The following ANO10 variants were observed in gnomAD, a reference collection of about 807,000 sequenced individuals.
The protein encoded by ANO10 is anoctamin 10, also known as anoctamin-10.
ANO10 carries 77 observed loss-of-function variants against 74.7 expected under a neutral mutation model. The ratio of observed to expected loss-of-function variants is 1.03; its 90% CI spans 0.86 to 1.25. The LOEUF (loss-of-function observed/expected upper bound fraction) is 1.25, where lower values mean the gene tolerates loss of function less well. ANO10 is among the 50% of genes most tolerant of loss of function. ANO10 has a pLI of 0.00. For missense variants in ANO10, 721 were observed against 778.1 expected, an observed-to-expected ratio of 0.93 and a Z score of 0.87; for synonymous variants, 279 against 284.9, an observed-to-expected ratio of 0.98 and a Z score of 0.21.
intron 11 of ANO10, among the ~76,000 whole-genome samples, chr3:43,530,246 A>G (rs1347806958): frequency 6.6e-6 from 1 of 152,100 alleles, no homozygotes; most frequent in Non-Finnish European, 1.5e-5. Flanking sequence ...AACTACATTT[A>G]TAAATCACAA....
chr3:43,372,791 C>T, intron 12 of ANO10: 1 of 1,517,394 alleles, frequency 6.6e-7, no homozygotes. Flanking sequence ...CAGTGCCTGG[C>T]ACTGAGTTGG....
chr3:43,549,895 A>G lies in ANO10; in HGVS notation c.1669-47T>C, dbSNP rs1036183080. Reference sequence around the variant, plus strand: ...ATTAAAAATTGCAATGACTGCTTCCATATTTCCTCATCCTTTTTCATGTTA... The same window carrying G: ...ATTAAAAATTGCAATGACTGCTTCCGTATTTCCTCATCCTTTTTCATGTTA... On this transcript the variant is annotated intron_variant, in intron 10 of 12. Transcript: ENST00000292246. The G allele has an allele frequency of 1.1e-5, 17 of 1,600,422 alleles. 1 individual carries two copies. Among genetic ancestry groups the G allele is most frequent in the Non-Finnish European group, 1.4e-5 (16 of 1,168,262 alleles).
intron 11 of ANO10, among the ~76,000 whole-genome samples, chr3:43,442,914 A>AGG (rs2093182027): frequency 1.3e-5 from 2 of 152,252 alleles, no homozygotes; most frequent in South Asian, 4.1e-4. Context: ...CTATTTAATC[A>AGG]GTTAATTAAC....
At chr3:43,590,246 T>TATTC (rs2081667073) in intron 4 of ANO10, among the ~76,000 whole-genome samples, 2 of 152,144 alleles carry the variant, frequency 1.3e-5, no homozygotes, top group Non-Finnish European at 2.9e-5. Flanking sequence ...CAGTTCACAG[T>TATTC]AGGCTAGAAT....
chr3:43,594,405 A>T (rs1229946362), intron 4 of ANO10, among the ~76,000 whole-genome samples: 1 of 152,226 alleles, frequency 6.6e-6, no homozygotes, highest in Non-Finnish European at 1.5e-5. Flanking sequence ...AATTATAAAA[A>T]ACTGTCTCTC....
chr3:43,597,378 A>G (rs1320315202), intron 4 of ANO10, among the ~76,000 whole-genome samples: 2 of 152,246 alleles, frequency 1.3e-5, no homozygotes, highest in Non-Finnish European at 2.9e-5. Flanking sequence ...TCTATCAGTG[A>G]TAGACTGGAT....
upstream of ANO10, among the ~76,000 whole-genome samples, chr3:43,625,795 T>C (rs1182130891): frequency 2.0e-5 from 3 of 152,224 alleles, no homozygotes; most frequent in African/African-American, 2.4e-5. Context: ...ATTTATCTTA[T>C]GCTACTTTGT....
chr3:43,480,943 C>T (rs2076243319), intron 11 of ANO10, among the ~76,000 whole-genome samples: 1 of 98,996 alleles, frequency 1.0e-5, no homozygotes, highest in South Asian at 3.5e-4. Flanking sequence ...ATACAATGTG[C>T]ATAATAATAC....
At chr3:43,381,610 C>A (rs192460639) in intron 12 of ANO10, among the ~76,000 whole-genome samples, 13 of 152,094 alleles carry the variant, frequency 8.5e-5, no homozygotes, top group Non-Finnish European at 2.9e-5. Context: ...GACAGCAACA[C>A]GATAATAGTG....
intron 11 of ANO10, among the ~76,000 whole-genome samples, chr3:43,504,199 C>T (rs373840293): frequency 3.9e-5 from 6 of 151,950 alleles, no homozygotes; most frequent in East Asian, 1.9e-4. Flanking sequence ...ACCCAGGAAG[C>T]GGAGGTTGCA....
chr3:43,382,316 G>A (rs1226446761), intron 12 of ANO10, among the ~76,000 whole-genome samples: 1 of 151,904 alleles, frequency 6.6e-6, no homozygotes, highest in Non-Finnish European at 1.5e-5. Context: ...TCAGGAGATC[G>A]AGACCACCCT....
At chr3:43,383,724 C>T (rs942167066) in intron 12 of ANO10, among the ~76,000 whole-genome samples, 10 of 152,110 alleles carry the variant, frequency 6.6e-5, no homozygotes, top group Admixed American at 4.6e-4. Context: ...CAAAATCCAG[C>T]GTCACTTTAT....
intron 11 of ANO10, among the ~76,000 whole-genome samples, chr3:43,435,163 C>T (rs905374863): frequency 6.6e-6 from 1 of 152,204 alleles, no homozygotes; most frequent in Non-Finnish European, 1.5e-5. Flanking sequence ...GCCAGACAAT[C>T]TGCAGTTCAG....
At chr3:43,648,753 T>C (rs974319936) in intron 1 of ANO10, among the ~76,000 whole-genome samples, 5 of 149,790 alleles carry the variant, frequency 3.3e-5, no homozygotes, top group African/African-American at 9.9e-5. Context: ...CTTGCCTCAC[T>C]GCAAGCTCCG....
intron 1 of ANO10, among the ~76,000 whole-genome samples, chr3:43,615,469 TTTTTA>T (rs1444511513): frequency 6.6e-6 from 1 of 152,124 alleles, no homozygotes; most frequent in African/African-American, 2.4e-5. Flanking sequence ...TTTGGGATAA[TTTTTA>T]TTTTATTATT....
intron 9 of ANO10, among the ~76,000 whole-genome samples, chr3:43,558,766 T>G (rs2079884577): frequency 6.6e-6 from 1 of 152,138 alleles, no homozygotes; most frequent in South Asian, 2.1e-4. Context: ...AGAATAAATG[T>G]GATCCAAAAG....
At chr3:43,632,322 C>T (rs1354039490) in intron 1 of ANO10, among the ~76,000 whole-genome samples, 1 of 152,158 alleles carries the variant, frequency 6.6e-6, no homozygotes, top group Non-Finnish European at 1.5e-5. Flanking sequence ...GGAGCACTGG[C>T]AGGAGACTAG....
chr3:43,544,343 G>C (rs987002031), intron 11 of ANO10, among the ~76,000 whole-genome samples: 1 of 151,964 alleles, frequency 6.6e-6, no homozygotes, highest in Non-Finnish European at 1.5e-5. Flanking sequence ...TTTTGCAAAT[G>C]AAAGTAGTGT....
At chr3:43,438,036 A>C (rs1281485632) in intron 11 of ANO10, among the ~76,000 whole-genome samples, 1 of 152,186 alleles carries the variant, frequency 6.6e-6, no homozygotes, top group African/African-American at 2.4e-5. Flanking sequence ...CAACTAAATA[A>C]AATGAGGAAA....
Sources: gnomAD v4.1 joint callset for allele counts (sites outside exome capture counted in the v4.1 genomes callset) on GRCh38, gnomAD v4.1.1 for gene constraint, MANE v1.5 for transcripts, NCBI Gene and HGNC (gene_info 2026-07-23, HGNC 2026-07-21) for gene names.